PDS5B: variants seen among roughly 807,000 people sequenced by gnomAD.
PDS5B encodes the protein sister chromatid cohesion protein PDS5 homolog B.
A neutral mutation model predicts 184.1 loss-of-function variants in PDS5B; 51 were observed. The ratio of observed to expected loss-of-function variants is 0.28; its 90% CI spans 0.22 to 0.35. The LOEUF (loss-of-function observed/expected upper bound fraction) is 0.35. PDS5B is among the 10% of genes least tolerant of loss of function. The pLI is 1.00. For synonymous variants in PDS5B, 566 were observed against 569.2 expected, an observed-to-expected ratio of 0.99 and a Z score of 0.08; for missense variants, 1,180 against 1,723.3, an observed-to-expected ratio of 0.68 and a Z score of 5.58.
chr13:32,592,243 G>A (rs1462518786), intron 1 of PDS5B, among the ~76,000 whole-genome samples: 1 of 152,088 alleles, frequency 6.6e-6, no homozygotes, highest in African/African-American at 2.4e-5. Context: ...GAGATGAGGT[G>A]TGCTTAGTTT....
At chr13:32,649,025 G>C (rs144436291) in intron 2 of PDS5B, 145 bp downstream of exon 2, 2 of 630,088 alleles carry the variant, frequency 3.2e-6, no homozygotes, top group Non-Finnish European at 5.7e-6. Flanking sequence ...TAAGGGAGTA[G>C]AGTATATAAG....
At chr13:32,622,081 C>A (rs552446582) in intron 1 of PDS5B, among the ~76,000 whole-genome samples, 2 of 151,908 alleles carry the variant, frequency 1.3e-5, no homozygotes, top group Non-Finnish European at 2.9e-5. Context: ...TAGATGCATT[C>A]TCTTATTTAA....
intron 1 of PDS5B, among the ~76,000 whole-genome samples, chr13:32,623,961 G>A (rs1454095031): frequency 2.0e-5 from 3 of 151,926 alleles, no homozygotes; most frequent in Admixed American, 2.0e-4. Context: ...ACAGGCGTGT[G>A]CCACCACGCC....
At chr13:32,760,258 A>G (rs1362497832) in intron 29 of PDS5B, among the ~76,000 whole-genome samples, 2 of 152,156 alleles carry the variant, frequency 1.3e-5, no homozygotes, top group Admixed American at 6.5e-5. Flanking sequence ...CCCGGCCAAA[A>G]AAGCATATTC....
intron 1 of PDS5B, among the ~76,000 whole-genome samples, chr13:32,624,711 T>C (rs2058346639): frequency 6.6e-6 from 1 of 152,174 alleles, no homozygotes; most frequent in Admixed American, 6.5e-5. Context: ...GAGGAATTTT[T>C]TAACTCCACA....
intron 13 of PDS5B, among the ~76,000 whole-genome samples, chr13:32,692,891 T>C (rs1440315523): frequency 8.3e-6 from 1 of 120,970 alleles, no homozygotes; most frequent in Non-Finnish European, 1.8e-5. Flanking sequence ...TTAGAGATGG[T>C]CACTTTTTTA....
At chr13:32,735,135 G>T (rs773801448) in intron 20 of PDS5B, 37 bp from the exon 21 acceptor site, 1 of 1,368,048 alleles carries the variant, frequency 7.3e-7, no homozygotes, top group South Asian at 1.6e-5. Flanking sequence ...TTGTATATGT[G>T]TAGAGTTGAA....
intron 1 of PDS5B, among the ~76,000 whole-genome samples, chr13:32,620,909 C>G (rs1295180582): frequency 6.6e-6 from 1 of 152,116 alleles, no homozygotes; most frequent in Non-Finnish European, 1.5e-5. Flanking sequence ...ATAAACCAAC[C>G]TTGCATTATT....
intron 6 of PDS5B, among the ~76,000 whole-genome samples, chr13:32,660,484 A>AC (rs1555297349): frequency 6.6e-6 from 1 of 152,110 alleles, no homozygotes; most frequent in African/African-American, 2.4e-5. Context: ...CTGAATTCCC[A>AC]GGGGAGACCT....
At chr13:32,627,721 A>C (rs1279587054) in intron 1 of PDS5B, among the ~76,000 whole-genome samples, 1 of 152,202 alleles carries the variant, frequency 6.6e-6, no homozygotes, top group Non-Finnish European at 1.5e-5. Flanking sequence ...ATTGCCAAAA[A>C]CTGCAAGTAC....
At chr13:32,647,483 CTG>C (rs1443390270) in intron 1 of PDS5B, among the ~76,000 whole-genome samples, 1 of 152,132 alleles carries the variant, frequency 6.6e-6, no homozygotes, top group East Asian at 1.9e-4. Context: ...GTTGCCCAGG[CTG>C]TTCTTAAACT....
chr13:32,664,841 ACT>A lies in PDS5B; in HGVS notation c.625-2920_625-2919del, dbSNP rs1312239397. Among the ~76,000 whole-genome samples, 5 of 127,536 alleles carry A rather than the reference ACT, an allele frequency of 3.9e-5. No individual in the cohort carries two copies. The East Asian group carries it at 9.2e-4, about 23-fold the overall frequency. The allele number at this position is 127,536 out of a possible 152,430, so 83.7% of individuals were successfully genotyped here. A position where few individuals can be genotyped will look rare whatever the true frequency, so the allele number is the denominator to read the frequency against. On this transcript the variant is annotated intron_variant, in intron 6 of 34. Transcript: ENST00000315596. ...ACTCCAGCCTGGGTGACCAAGTGAGACTCTGTCTCAAAAAGGGAAAAAGAAAA... is the reference window on the plus strand; with the variant it reads ...ACTCCAGCCTGGGTGACCAAGTGAGACTGTCTCAAAAAGGGAAAAAGAAAA...
intron 9 of PDS5B, among the ~76,000 whole-genome samples, chr13:32,676,930 T>TC (rs1193501018): frequency 7.5e-5 from 2 of 26,696 alleles, no homozygotes; most frequent in African/African-American, 4.4e-4. Flanking sequence ...GACTCTTGTC[T>TC]CCAAAAAAAA....
chr13:32,591,368 C>T (rs928004322), intron 1 of PDS5B, among the ~76,000 whole-genome samples: 3 of 152,064 alleles, frequency 2.0e-5, no homozygotes, highest in South Asian at 2.1e-4. Flanking sequence ...CCGCCCGCCT[C>T]GGCCTCCCAA....
chr13:32,772,394 A>G (rs897767821), intron 33 of PDS5B, among the ~76,000 whole-genome samples: 1 of 152,154 alleles, frequency 6.6e-6, no homozygotes, highest in Non-Finnish European at 1.5e-5. Flanking sequence ...CTTGTTTTCC[A>G]CCATCTAATG....
At chr13:32,646,803 C>T (rs530444738) in intron 1 of PDS5B, among the ~76,000 whole-genome samples, 8 of 152,022 alleles carry the variant, frequency 5.3e-5, no homozygotes, top group Non-Finnish European at 8.8e-5. Context: ...ATACTTACAC[C>T]TCTTAGTTTT....
intron 1 of PDS5B, among the ~76,000 whole-genome samples, chr13:32,615,640 A>G (rs894862523): frequency 1.3e-5 from 2 of 152,172 alleles, no homozygotes; most frequent in African/African-American, 4.8e-5. Context: ...ATCATGGTGT[A>G]ATGAAGAGTG....
rs1308227017 is a variant in PDS5B at position 32,770,347 on chromosome 13, C to T, written c.3851C>T (p.Pro1284Leu). 10 of 1,612,382 alleles carry T rather than the reference C, an allele frequency of 6.2e-6. No individual in the cohort carries two copies. Among genetic ancestry groups the T allele is most frequent in the East Asian group, 2.2e-5 (1 of 44,798 alleles). The stretch of plus-strand genomic sequence containing the variant: ...GAAAATGAAGATGAACAGAATAGTC[C>T]GCCAAAAAAGGGTAAAAGAGGCCGA... ...ILENEDEQNS[P>L]PKKGKRGRPP... The change falls in exon 32 of 35, where the codon CCG becomes CTG. Residue 1284 changes from proline to leucine, a missense_variant. By Grantham distance (98) the Pro-to-Leu change is moderately conservative (BLOSUM62 -3). This residue lies in a region of PDS5B where 465 missense variants were observed against 497.8 expected (regional missense o/e 0.93). Coordinates refer to ENST00000315596, the MANE Select transcript of PDS5B (RefSeq NM_015032.4).
chr13:32,688,350 G>A (rs2140828139), intron 12 of PDS5B, 106 bp from the exon 13 acceptor site: 1 of 568,216 alleles, frequency 1.8e-6, no homozygotes. Flanking sequence ...ACTTAGAGCG[G>A]CAGGAACTTC....
Sources: gnomAD v4.1 joint callset for allele counts (sites outside exome capture counted in the v4.1 genomes callset) on GRCh38, gnomAD v4.1.1 for gene constraint, gnomAD v4.1.1 regional missense constraint, MANE v1.5 for transcripts, NCBI Gene and HGNC (gene_info 2026-07-23, HGNC 2026-07-21) for gene names.